ADGRB3: variants seen among roughly 807,000 people sequenced by gnomAD.
ADGRB3 encodes brain-specific angiogenesis inhibitor 3.
A neutral mutation model predicts 193.4 loss-of-function variants in ADGRB3; 37 were observed. That is an observed-to-expected ratio of 0.19 (90% CI 0.15 to 0.25). The LOEUF (loss-of-function observed/expected upper bound fraction) is 0.25, where lower values mean the gene tolerates loss of function less well. ADGRB3 is among the 10% of genes least tolerant of loss of function. The pLI is 1.00. For synonymous variants in ADGRB3, 690 were observed against 644.2 expected (o/e 1.07, Z -1.08); for missense variants, 1,637 against 1,852.9 (o/e 0.88, Z 2.14).
intron 3 of ADGRB3, among the ~76,000 whole-genome samples, chr6:68,747,852 C>T (rs1412471002): frequency 1.3e-5 from 2 of 152,028 alleles, no homozygotes; most frequent in Admixed American, 6.6e-5. Flanking sequence ...GAGACATACC[C>T]GTGACTTGGA....
intron 3 of ADGRB3, among the ~76,000 whole-genome samples, chr6:68,751,644 G>C (rs939247046): frequency 2.6e-5 from 4 of 152,082 alleles, no homozygotes; most frequent in Non-Finnish European, 5.9e-5. Flanking sequence ...AAGGCAACCT[G>C]TAGAGAAATA....
chr6:69,226,875 T>A (rs1766027892), intron 17 of ADGRB3, among the ~76,000 whole-genome samples: 1 of 152,198 alleles, frequency 6.6e-6, no homozygotes, highest in Non-Finnish European at 1.5e-5. Context: ...CACTTCAAGA[T>A]GATAAGAGTG....
chr6:68,733,411 T>C (rs1765810692), intron 3 of ADGRB3, among the ~76,000 whole-genome samples: 1 of 151,840 alleles, frequency 6.6e-6, no homozygotes, highest in East Asian at 1.9e-4. Flanking sequence ...ACACTGCATG[T>C]TCTCACTTAT....
At chr6:68,869,413 T>C (rs1424107440) in intron 3 of ADGRB3, among the ~76,000 whole-genome samples, 1 of 152,102 alleles carries the variant, frequency 6.6e-6, no homozygotes, top group Non-Finnish European at 1.5e-5. Flanking sequence ...ATGGTTCAAA[T>C]TTAGAGTGAT....
chr6:69,342,778 A>T (rs964894174), intron 26 of ADGRB3, among the ~76,000 whole-genome samples: 4 of 152,164 alleles, frequency 2.6e-5, no homozygotes, highest in African/African-American at 9.7e-5. Flanking sequence ...TTATAATTGG[A>T]TCCTAGAAAT....
At chr6:68,898,449 C>G (rs998200304) in intron 3 of ADGRB3, among the ~76,000 whole-genome samples, 1 of 152,068 alleles carries the variant, frequency 6.6e-6, no homozygotes, top group Non-Finnish European at 1.5e-5. Context: ...AATAATGTTT[C>G]GCCAACTATC....
chr6:68,678,585 G>T (rs1464551925), intron 3 of ADGRB3, among the ~76,000 whole-genome samples: 3 of 152,162 alleles, frequency 2.0e-5, no homozygotes, highest in Non-Finnish European at 4.4e-5. Context: ...CAGAATATGG[G>T]TGTAATCAAA....
At chr6:68,983,418 G>A (rs182215796) in intron 10 of ADGRB3, among the ~76,000 whole-genome samples, 195 of 150,108 alleles carry the variant, frequency 1.3e-3, no homozygotes, top group Non-Finnish European at 1.6e-3. Context: ...AGTTTTTGAA[G>A]TGAAACTTAT....
At chr6:69,283,760 T>C (rs1767489753) in intron 20 of ADGRB3, among the ~76,000 whole-genome samples, 1 of 152,202 alleles carries the variant, frequency 6.6e-6, no homozygotes, top group Non-Finnish European at 1.5e-5. Context: ...TCATTTGATA[T>C]GCAATCAAAT....
At chr6:69,042,303 C>G (rs1222870153) in intron 13 of ADGRB3, among the ~76,000 whole-genome samples, 1 of 152,084 alleles carries the variant, frequency 6.6e-6, no homozygotes, top group African/African-American at 2.4e-5. Flanking sequence ...ACTAAGATAT[C>G]GTGTGTAAAG....
At chr6:69,094,512 G>C (rs1772813159) in intron 17 of ADGRB3, among the ~76,000 whole-genome samples, 1 of 152,086 alleles carries the variant, frequency 6.6e-6, no homozygotes, top group Non-Finnish European at 1.5e-5. Flanking sequence ...TTAGATATCT[G>C]TATCCAAATT....
chr6:68,871,753 A>G (rs1765461469), intron 3 of ADGRB3, among the ~76,000 whole-genome samples: 2 of 152,172 alleles, frequency 1.3e-5, no homozygotes, highest in Non-Finnish European at 2.9e-5. Flanking sequence ...TTAAAGTCAT[A>G]CATAAAAAGA....
At chr6:69,342,052 G>A (rs557975585) in intron 26 of ADGRB3, among the ~76,000 whole-genome samples, 1 of 152,124 alleles carries the variant, frequency 6.6e-6, no homozygotes, top group South Asian at 2.1e-4. Flanking sequence ...AAAAATACTT[G>A]GCACAAAAAT....
chr6:68,778,286 T>C (rs1292568634), intron 3 of ADGRB3, among the ~76,000 whole-genome samples: 1 of 152,088 alleles, frequency 6.6e-6, no homozygotes. Context: ...TGGAAAAGCT[T>C]CATATACCTT....
At chr6:69,202,249 A>G (rs1489046302) in intron 17 of ADGRB3, among the ~76,000 whole-genome samples, 3 of 152,194 alleles carry the variant, frequency 2.0e-5, no homozygotes, top group African/African-American at 4.8e-5. Context: ...TTCAATATTA[A>G]GGACAATTCT....
chr6:69,142,167 A>C (rs1774360388), intron 17 of ADGRB3, among the ~76,000 whole-genome samples: 1 of 152,144 alleles, frequency 6.6e-6, no homozygotes, highest in African/African-American at 2.4e-5. Context: ...GGAAGATTTC[A>C]AGTGGTTAAA....
chr6:68,731,929 A>G (rs910942163), intron 3 of ADGRB3, among the ~76,000 whole-genome samples: 6 of 151,690 alleles, frequency 4.0e-5, no homozygotes, highest in East Asian at 1.9e-4. Context: ...ACATATATAC[A>G]TATGTCTTAA....
intron 20 of ADGRB3, among the ~76,000 whole-genome samples, chr6:69,292,097 A>G (rs1243204650): frequency 6.6e-6 from 1 of 152,200 alleles, no homozygotes; most frequent in African/African-American, 2.4e-5. Flanking sequence ...AACCTCGCAT[A>G]AAAATCTATA....
chr6:68,956,826 A>G lies in ADGRB3; in HGVS notation c.1525+17A>G, dbSNP rs546505547. ...GATGCCCTGGTGAGAATGAACCCAA[A>G]TTATCCCAAAAGAAACATTTCATAA... On this transcript the variant is annotated intron_variant, in intron 8 of 31. Coordinates refer to ENST00000370598, the MANE Select transcript of ADGRB3 (RefSeq NM_001704.3). 6.2e-7 allele frequency: 1 copy of G among 1,601,424 alleles called. No individual in the cohort carries two copies. Among genetic ancestry groups the G allele is most frequent in the Non-Finnish European group, 8.5e-7 (1 of 1,172,150 alleles).
Sources: gnomAD v4.1 joint callset for allele counts (sites outside exome capture counted in the v4.1 genomes callset) on GRCh38, gnomAD v4.1.1 for gene constraint, MANE v1.5 for transcripts, NCBI Gene and HGNC (gene_info 2026-07-23, HGNC 2026-07-21) for gene names.